Variants in PRR11 observed in about 807,000 individuals in gnomAD.
The protein encoded by PRR11 is proline rich 11.
A neutral mutation model predicts 45.6 loss-of-function variants in PRR11; 30 were observed. The observed-to-expected ratio is 0.66, with a 90% CI of 0.49 to 0.89. The LOEUF is 0.89. Among genes scored for constraint, PRR11 ranks in the 40% least tolerant of loss-of-function variants. PRR11 has a pLI of 0.00. For synonymous variants in PRR11, 128 were observed against 153.5 expected (o/e 0.83, Z 1.23); for missense variants, 373 against 424.8 (o/e 0.88, Z 1.07).
rs2046912781 is a variant in PRR11, at chr17:59,205,346, T to C, written c.*3715T>C. On this transcript the variant is annotated 3_prime_UTR_variant, in exon 10 of 10. Coordinates refer to ENST00000262293, the MANE Select transcript of PRR11 (RefSeq NM_018304.4). ...GGTTATGTTTTAAAATAAAGATTAA[T>C]AAAAGTTTTGGTTTTTCTCTTTCTA... is the stretch of plus-strand genomic sequence containing the variant. 6.6e-6 allele frequency among the ~76,000 whole-genome samples: 1 copy of C among 151,912 alleles called. No homozygotes were observed. The highest frequency in any genetic ancestry group is 2.4e-5 in the African/African-American group (1 of 41,370).
intron 2 of PRR11, among the ~76,000 whole-genome samples, chr17:59,172,162 A>T (rs1417079682): frequency 6.6e-6 from 1 of 152,220 alleles, no homozygotes; most frequent in Admixed American, 6.5e-5. Context: ...TTCTGTGCTA[A>T]TCTGAGTGTC....
At chr17:59,186,381 ATTTTTTTTTTT>A (rs59082405) in intron 4 of PRR11, among the ~76,000 whole-genome samples, 36,700 of 85,000 alleles carry the variant, frequency 0.43, 6,941 homozygotes, top group South Asian at 0.55. Context: ...GCTGTTTGTA[ATTTTTTTTTTT>A]TTTTTTTTTT....
At chr17:59,195,508 C>A in intron 7 of PRR11, 65 bp downstream of exon 7, 4 of 1,090,374 alleles carry the variant, frequency 3.7e-6, no homozygotes, top group South Asian at 3.3e-5. Context: ...GTACAAAGGC[C>A]TAAAGAAAAG....
intron 6 of PRR11, among the ~76,000 whole-genome samples, 164 bp from the exon 7 acceptor site, chr17:59,195,167 T>C (rs1001106325): frequency 4.6e-5 from 7 of 152,204 alleles, no homozygotes; most frequent in Admixed American, 3.9e-4. Context: ...ACCCTTAGTC[T>C]GAAGAGGTAG....
intron 2 of PRR11, 95 bp downstream of exon 2, chr17:59,169,975 G>C: frequency 1.4e-6 from 2 of 1,422,716 alleles, no homozygotes; most frequent in Non-Finnish European, 1.9e-6. Flanking sequence ...AAGGCAGGCC[G>C]GGTGCAGTCA....
At chr17:59,195,530 T>G (rs1004675614) in intron 7 of PRR11, 87 bp downstream of exon 7, 1 of 826,566 alleles carries the variant, frequency 1.2e-6, no homozygotes, top group Non-Finnish European at 1.9e-6. Flanking sequence ...AAAAAAAGAT[T>G]TTTTGTGTGT....
In PRR11 at chr17:59,206,471, T is replaced by C. The variant is rs1227888489; in HGVS notation, c.*4840T>C. Among the ~76,000 whole-genome samples the C allele has an allele frequency of 6.6e-6, 1 of 152,184 alleles. No individual in the cohort carries two copies. Among genetic ancestry groups the C allele is most frequent in the Non-Finnish European group, 1.5e-5 (1 of 68,028 alleles). On this transcript the variant is annotated 3_prime_UTR_variant, in exon 10 of 10. Coordinates refer to ENST00000262293, the MANE Select transcript of PRR11 (RefSeq NM_018304.4). ...AACATTTGCAAAGCTGCTACTGCCA[T>C]TGTACCAGTGTTAAAATGTGTTCTA...
chr17:59,166,103 C>G (rs745747994), intron 1 of PRR11, among the ~76,000 whole-genome samples: 1 of 152,164 alleles, frequency 6.6e-6, no homozygotes, highest in South Asian at 2.1e-4. Context: ...TGGAACCAAG[C>G]CAGCGCTCAG....
chr17:59,159,180 C>G (rs915945621), intron 1 of PRR11, among the ~76,000 whole-genome samples: 6 of 152,192 alleles, frequency 3.9e-5, no homozygotes, highest in Admixed American at 3.3e-4. Flanking sequence ...TCTCTGCATT[C>G]TTTTCACCTT....
chr17:59,168,015 C>G (rs1232413941), intron 1 of PRR11, among the ~76,000 whole-genome samples: 7 of 152,052 alleles, frequency 4.6e-5, no homozygotes, highest in Admixed American at 4.6e-4. Flanking sequence ...GATTGAGTTG[C>G]TGTGGTTCAA....
chr17:59,164,865 C>G (rs1051859469), intron 1 of PRR11, among the ~76,000 whole-genome samples: 1 of 149,856 alleles, frequency 6.7e-6, no homozygotes, highest in Non-Finnish European at 1.5e-5. Flanking sequence ...CACGACAGAG[C>G]AAGACCGTGT....
chr17:59,199,639 G>A (rs2046883151), intron 9 of PRR11, among the ~76,000 whole-genome samples: 1 of 152,172 alleles, frequency 6.6e-6, no homozygotes, highest in South Asian at 2.1e-4. Flanking sequence ...TGGAACACAG[G>A]GCTGCTGGCA....
intron 2 of PRR11, chr17:59,181,823 C>T: frequency 2.0e-6 from 3 of 1,512,518 alleles, no homozygotes; most frequent in African/African-American, 1.4e-5. Context: ...ACCCCAACCC[C>T]AAACCACTCT....
chr17:59,195,493 T>C (rs983231894), intron 7 of PRR11, 50 bp downstream of exon 7: 3 of 1,267,872 alleles, frequency 2.4e-6, no homozygotes, highest in Non-Finnish European at 3.4e-6. Flanking sequence ...AAGAATGATA[T>C]TGTTGTACAA....
At chr17:59,184,416 C>T (rs918274779) in intron 2 of PRR11, among the ~76,000 whole-genome samples, 3 of 152,108 alleles carry the variant, frequency 2.0e-5, no homozygotes, top group East Asian at 3.8e-4. Flanking sequence ...GAGCCAAGAT[C>T]GCACCATTGC....
chr17:59,189,585 C>T (rs894539103), intron 4 of PRR11, among the ~76,000 whole-genome samples: 8 of 152,020 alleles, frequency 5.3e-5, no homozygotes, highest in East Asian at 3.9e-4. Context: ...CTGCCTGCCT[C>T]GGCCTCCCAA....
intron 5 of PRR11, among the ~76,000 whole-genome samples, chr17:59,194,267 TCACACACACACACA>T (rs57853873): frequency 0.012 from 1,737 of 141,168 alleles, 47 homozygotes; most frequent in African/African-American, 0.042. Context: ...TTCCCAATCC[TCACACACACACACA>T]CACACACACA....
chr17:59,169,636 G>A, intron 1 of PRR11, 112 bp from the exon 2 acceptor site: 1 of 1,007,488 alleles, frequency 9.9e-7, no homozygotes, highest in Non-Finnish European at 1.4e-6. Flanking sequence ...CAAGATGGTG[G>A]TTTCAAGGGT....
intron 4 of PRR11, among the ~76,000 whole-genome samples, chr17:59,186,421 A>T (rs1241956372): frequency 1.7e-5 from 2 of 115,372 alleles, no homozygotes; most frequent in African/African-American, 7.2e-5. Flanking sequence ...TTTTAGACAG[A>T]ATCTCACTCT....
Sources: gnomAD v4.1 joint callset for allele counts (sites outside exome capture counted in the v4.1 genomes callset) on GRCh38, gnomAD v4.1.1 for gene constraint, MANE v1.5 for transcripts, NCBI Gene and HGNC (gene_info 2026-07-23, HGNC 2026-07-21) for gene names.